PPP3CA: variants seen among roughly 807,000 people sequenced by gnomAD.
PPP3CA encodes protein phosphatase 3 catalytic subunit alpha.
PPP3CA carries 14 observed loss-of-function variants against 66.5 expected under a neutral mutation model. The observed-to-expected ratio is 0.21, with a 90% CI of 0.14 to 0.33. The LOEUF is 0.33. Ranked by LOEUF, PPP3CA falls within the 10% of genes least tolerant of loss-of-function variation. The pLI is 1.00. For missense variants in PPP3CA, 317 were observed against 639.5 expected, an observed-to-expected ratio of 0.50 and a Z score of 5.44; for synonymous variants, 232 against 226.2, an observed-to-expected ratio of 1.03 and a Z score of -0.23.
intron 1 of PPP3CA, among the ~76,000 whole-genome samples, chr4:101,206,531 GGAAA>G (rs1173714530): frequency 1.3e-5 from 2 of 152,130 alleles, no homozygotes; most frequent in Non-Finnish European, 2.9e-5. Context: ...AAGTAATTAA[GGAAA>G]GAGATTGCTG....
intron 1 of PPP3CA, among the ~76,000 whole-genome samples, chr4:101,325,592 C>T (rs1166203453): frequency 6.6e-6 from 1 of 152,140 alleles, no homozygotes; most frequent in Non-Finnish European, 1.5e-5. Context: ...GTTCCTAACC[C>T]AGAGTCAGTA....
At chr4:101,034,607 A>C (rs1200121050) in intron 11 of PPP3CA, among the ~76,000 whole-genome samples, 1 of 151,866 alleles carries the variant, frequency 6.6e-6, no homozygotes, top group African/African-American at 2.4e-5. Context: ...TACATAGCTC[A>C]CATTTCAAAA....
chr4:101,143,474 CCT>C (rs758421300), intron 2 of PPP3CA, among the ~76,000 whole-genome samples: 1 of 152,156 alleles, frequency 6.6e-6, no homozygotes, highest in Non-Finnish European at 1.5e-5. Flanking sequence ...TGAGTATCTT[CCT>C]TTTCCTCACT....
chr4:101,325,176 T>C (rs1267859674), intron 1 of PPP3CA, among the ~76,000 whole-genome samples: 3 of 152,196 alleles, frequency 2.0e-5, no homozygotes, highest in Non-Finnish European at 2.9e-5. Flanking sequence ...TTCCAAGTGA[T>C]TGTAATGTGT....
chr4:101,080,499 G>A (rs776460485), intron 8 of PPP3CA, 33 bp downstream of exon 8: 3 of 1,161,200 alleles, frequency 2.6e-6, no homozygotes, highest in East Asian at 5.0e-5. Context: ...CACATATTAT[G>A]TAAGACTGCA....
intron 1 of PPP3CA, among the ~76,000 whole-genome samples, chr4:101,252,461 T>A (rs1300854244): frequency 6.6e-6 from 1 of 152,060 alleles, no homozygotes; most frequent in Non-Finnish European, 1.5e-5. Context: ...TTTTTCTCCC[T>A]CAGTTGGTAA....
intron 1 of PPP3CA, among the ~76,000 whole-genome samples, chr4:101,302,362 T>C (rs933467282): frequency 2.0e-5 from 3 of 152,246 alleles, no homozygotes; most frequent in Non-Finnish European, 4.4e-5. Context: ...CAAACTGCGA[T>C]GATATATTAT....
rs1730070198 is a variant in PPP3CA at position 101,093,832 on chromosome 4, C to T, written c.726G>A (p.Glu242=). ...TGTGAGTGAAATGTTCCTGAGTCTT[C>T]TCATTTCCAAAATCTTCCAGGGGGT... is the stretch of plus-strand genomic sequence containing the variant. ...WSDPLEDFGN[E]KTQEHFTHNT... Residue 242 remains glutamate, a synonymous_variant, in exon 6 of 14, where the codon GAG becomes GAA. Transcript: ENST00000394854. 1 of 1,613,322 alleles carries T rather than the reference C, an allele frequency of 6.2e-7. No individual in the cohort carries two copies. Among genetic ancestry groups the T allele is most frequent in the Non-Finnish European group, 8.5e-7 (1 of 1,179,502 alleles).
chr4:101,109,308 T>TAAA (rs70961775), intron 2 of PPP3CA, among the ~76,000 whole-genome samples: 1,200 of 88,654 alleles, frequency 0.014, no homozygotes, highest in Non-Finnish European at 0.016. Flanking sequence ...ACAGATTAAC[T>TAAA]AAAAAAAAAA....
intron 11 of PPP3CA, among the ~76,000 whole-genome samples, chr4:101,034,731 ATAAT>A (rs747409724): frequency 2.0e-5 from 3 of 152,208 alleles, no homozygotes; most frequent in African/African-American, 7.2e-5. Flanking sequence ...TAGGTTTGAG[ATAAT>A]TAATTATTGT....
intron 6 of PPP3CA, among the ~76,000 whole-genome samples, chr4:101,086,805 G>A (rs1379563771): frequency 1.3e-5 from 2 of 152,198 alleles, no homozygotes; most frequent in African/African-American, 4.8e-5. Context: ...CCTTAGGAGA[G>A]GAACACCGCT....
intron 1 of PPP3CA, among the ~76,000 whole-genome samples, chr4:101,265,021 T>C (rs1055410873): frequency 2.0e-5 from 3 of 152,188 alleles, no homozygotes; most frequent in African/African-American, 7.2e-5. Context: ...AGAAAAACAA[T>C]TCAGGAGAGA....
chr4:101,179,848 C>G (rs1030157920), intron 2 of PPP3CA, among the ~76,000 whole-genome samples: 3 of 152,176 alleles, frequency 2.0e-5, no homozygotes, highest in African/African-American at 7.2e-5. Flanking sequence ...TCCACCATCA[C>G]TGTCCTAAAT....
At chr4:101,116,396 T>C (rs978694208) in intron 2 of PPP3CA, among the ~76,000 whole-genome samples, 1 of 151,988 alleles carries the variant, frequency 6.6e-6, no homozygotes, top group Non-Finnish European at 1.5e-5. Flanking sequence ...ATTGAATTTA[T>C]TGATTTGGTT....
chr4:101,145,670 T>C (rs1419160897), intron 2 of PPP3CA, among the ~76,000 whole-genome samples: 1 of 152,114 alleles, frequency 6.6e-6, no homozygotes, highest in African/African-American at 2.4e-5. Flanking sequence ...GAATGGCTAA[T>C]GGTTACAAAA....
intron 1 of PPP3CA, among the ~76,000 whole-genome samples, chr4:101,286,875 A>C (rs1727861726): frequency 6.6e-6 from 1 of 152,222 alleles, no homozygotes; most frequent in Non-Finnish European, 1.5e-5. Context: ...CCTGTGACAG[A>C]GTTCAGCCTC....
At chr4:101,235,055 T>G (rs1003361454) in intron 1 of PPP3CA, among the ~76,000 whole-genome samples, 2 of 151,764 alleles carry the variant, frequency 1.3e-5, no homozygotes, top group African/African-American at 4.8e-5. Context: ...ATCAGATAGG[T>G]ATCTTTTTAA....
At position 101,316,324 on chromosome 4, in the gene PPP3CA, G is replaced by A. The variant is rs113178199; in HGVS notation, c.58+30415C>T. 1.0e-3 allele frequency among the ~76,000 whole-genome samples: 152 copies of A among 151,300 alleles called. 2 individuals are homozygous for A. The highest frequency in any genetic ancestry group is 3.5e-3 in the African/African-American group (143 of 41,078). The stretch of plus-strand genomic sequence containing the variant: ...TTTTTCAAGCAAATCAAAGATAATT[G>A]AAGTTGACATATCCAGAGTTATTTC... On this transcript the variant is annotated intron_variant, in intron 1 of 13. Transcript: ENST00000394854.
chr4:101,193,974 G>A (rs954511763), intron 2 of PPP3CA, among the ~76,000 whole-genome samples: 3 of 152,070 alleles, frequency 2.0e-5, no homozygotes, highest in Admixed American at 2.0e-4. Context: ...ATATGGTAGT[G>A]GCTTTTTAAT....
Sources: gnomAD v4.1 joint callset for allele counts (sites outside exome capture counted in the v4.1 genomes callset) on GRCh38, gnomAD v4.1.1 for gene constraint, MANE v1.5 for transcripts, NCBI Gene and HGNC (gene_info 2026-07-23, HGNC 2026-07-21) for gene names.